The following CCDC117 variants were observed in gnomAD, a reference collection of about 807,000 sequenced individuals.
CCDC117 encodes coiled-coil domain-containing protein 117.
CCDC117 carries 1 observed loss-of-function variant against 23.5 expected under a neutral mutation model. The ratio of observed to expected loss-of-function variants is 0.04; its 90% CI spans 0.02 to 0.20. The LOEUF (loss-of-function observed/expected upper bound fraction) is 0.20. Among genes scored for constraint, CCDC117 ranks in the 10% least tolerant of loss-of-function variants. CCDC117 has a pLI of 1.00. For missense variants in CCDC117, 383 were observed against 348.2 expected, an observed-to-expected ratio of 1.10 and a Z score of -0.80; for synonymous variants, 132 against 124.8, an observed-to-expected ratio of 1.06 and a Z score of -0.39.
chr22:28,779,406 A>G (rs945842552), intron 2 of CCDC117, among the ~76,000 whole-genome samples: 1 of 151,048 alleles, frequency 6.6e-6, no homozygotes, highest in African/African-American at 2.4e-5. Flanking sequence ...GGGTTTCACC[A>G]TGTTGGCCAG....
rs2031025459 is a variant in CCDC117 at position 28,772,865 on chromosome 22, C to T, written c.16C>T (p.Arg6Trp). Residue 6 changes from arginine to tryptophan, a missense_variant, in exon 1 of 5, where the codon CGG becomes TGG. Physicochemically the swap from Arg to Trp is moderately radical, Grantham distance 101. Coordinates refer to ENST00000249064, the MANE Select transcript of CCDC117 (RefSeq NM_173510.4). MAALG[R>W]PFSGLPLSGG... ...CTCGCCGGCTATGGCTGCGCTCGGC[C>T]GGCCCTTCAGCGGCCTCCCTCTGAG... 8.1e-7 allele frequency: 1 copy of T among 1,233,822 alleles called. No homozygotes were observed. Among genetic ancestry groups the T allele is most frequent in the Non-Finnish European group, 1.0e-6 (1 of 988,144 alleles). 76.4% of individuals were successfully genotyped at this position (1,233,822 alleles called of 1,614,324 possible).
chr22:28,776,504 C>G (rs1189456366), intron 2 of CCDC117, among the ~76,000 whole-genome samples: 1 of 151,912 alleles, frequency 6.6e-6, no homozygotes, highest in African/African-American at 2.4e-5. Flanking sequence ...CTCACTGTCA[C>G]CTCTGTCTCA....
chr22:28,774,356 C>G (rs908718093), intron 2 of CCDC117, among the ~76,000 whole-genome samples: 1 of 151,046 alleles, frequency 6.6e-6, no homozygotes, highest in African/African-American at 2.4e-5. Context: ...CCTGAGCCGC[C>G]CCGGCCTGAA....
rs1486296691 is a variant in CCDC117 at position 28,773,765 on chromosome 22, G to C, written c.226G>C (p.Glu76Gln). The change falls in exon 2 of 5, where the codon GAG becomes CAG. Residue 76 changes from glutamate (E) to glutamine (Q), a missense_variant. Transcript: ENST00000249064. The stretch of plus-strand genomic sequence containing the variant: ...TAAAAAGAAACACAAGCGAGAGGAG[G>C]AGGAGGATGATGAGTAAGTTTCAGT... ...HCKKKHKREE[E>Q]EDDDCPVRKK... 6.2e-7 allele frequency: 1 copy of C among 1,613,784 alleles called. No individual in the cohort carries two copies. The highest frequency in any genetic ancestry group is 8.5e-7 in the Non-Finnish European group (1 of 1,179,756).
At chr22:28,773,806 CTG>C (rs769874172) in intron 2 of CCDC117, 28 bp downstream of exon 2, 7 of 1,580,222 alleles carry the variant, frequency 4.4e-6, no homozygotes, top group African/African-American at 1.3e-5. Context: ...TTTATTCACT[CTG>C]TGGTCACCGT....
At chr22:28,781,851 C>T (rs888393807) in intron 3 of CCDC117, among the ~76,000 whole-genome samples, 92 of 151,290 alleles carry the variant, frequency 6.1e-4, no homozygotes, top group African/African-American at 2.0e-3. Flanking sequence ...CCATTTTGGT[C>T]AGGCTGGTCT....
intron 4 of CCDC117, among the ~76,000 whole-genome samples, chr22:28,785,725 T>G (rs530458738): frequency 0.043 from 6,468 of 152,182 alleles, 196 homozygotes; most frequent in Non-Finnish European, 0.065. Context: ...AATATACATG[T>G]TGAAGTGTGC....
In CCDC117 at chr22:28,781,058, TTAG is replaced by T; in HGVS notation, c.352_354del (p.Ser118del). On this transcript the variant is annotated inframe_deletion, in exon 3 of 5. Coordinates refer to ENST00000249064, the MANE Select transcript of CCDC117 (RefSeq NM_173510.4). ...GAGGGGCATGGAGTAAATCCCAGTG[TTAG>T]TGGCCTTTCCATACCTGGGATATTA... 1.2e-6 allele frequency: 2 copies of T among 1,613,842 alleles called. No homozygotes were observed. The highest frequency in any genetic ancestry group is 4.5e-5 in the East Asian group (2 of 44,878).
Position 28,772,837 on chromosome 22 carries a change from C to G in CCDC117, c.-13C>G. Reference sequence around the variant, plus strand: ...GCCGAGGCCGCCGTCGCAGCCTCCTCGTCTCGCCGGCTATGGCTGCGCTCG... The same window carrying G: ...GCCGAGGCCGCCGTCGCAGCCTCCTGGTCTCGCCGGCTATGGCTGCGCTCG... On this transcript the variant is annotated 5_prime_UTR_variant, in exon 1 of 5. Coordinates refer to ENST00000249064, the MANE Select transcript of CCDC117 (RefSeq NM_173510.4). 1.6e-6 allele frequency: 2 copies of G among 1,226,064 alleles called. No individual in the cohort carries two copies. The highest frequency in any genetic ancestry group is 1.0e-6 in the Non-Finnish European group (1 of 983,888). 75.9% of individuals were successfully genotyped at this position (1,226,064 alleles called of 1,614,324 possible). A position where few individuals can be genotyped will look rare whatever the true frequency, so the allele number is the denominator to read the frequency against.
chr22:28,788,974 T>TG lies in CCDC117; in HGVS notation c.*2648_*2649insG, dbSNP rs1601432552. 1.1e-5 allele frequency: 1 copy of TG among 94,444 alleles called. No individual in the cohort carries two copies. The allele number at this position is 94,444 out of a possible 1,614,324, so 5.9% of individuals were successfully genotyped here. A position where few individuals can be genotyped will look rare whatever the true frequency, so the allele number is the denominator to read the frequency against. On this transcript the variant is annotated 3_prime_UTR_variant, in exon 5 of 5. Transcript: ENST00000249064. Reference sequence around the variant, plus strand: ...TGCGTTGTGGATTTTGTTTTTTGGGTTTTTTTTTTTTTTTTGTAATTATAT... The same window carrying TG: ...TGCGTTGTGGATTTTGTTTTTTGGGTGTTTTTTTTTTTTTTTGTAATTATAT...
intron 2 of CCDC117, among the ~76,000 whole-genome samples, chr22:28,777,095 C>T (rs1357304903): frequency 9.2e-5 from 13 of 140,856 alleles, no homozygotes; most frequent in Admixed American, 9.0e-4. Context: ...AGTGCAGTGG[C>T]GCAATCTCGG....
intron 4 of CCDC117, among the ~76,000 whole-genome samples, chr22:28,785,332 T>G (rs960557788): frequency 6.6e-6 from 1 of 151,962 alleles, no homozygotes; most frequent in African/African-American, 2.4e-5. Context: ...GGGACTACAG[T>G]CACCTGCTAC....
rs550299055 is a variant in CCDC117, at chr22:28,775,117, C to T, written c.239+1339C>T. 3.2e-4 allele frequency among the ~76,000 whole-genome samples: 48 copies of T among 152,160 alleles called. 1 individual carries two copies. Among genetic ancestry groups the T allele is most frequent in the East Asian group, 2.9e-3 (15 of 5,180 alleles). On this transcript the variant is annotated intron_variant, in intron 2 of 4. Transcript: ENST00000249064. ...TCTCTATTAAAATACAAAAATTAGCCATGGGTAGTGGTGCGTAACTGTAAT... is the reference window on the plus strand; with the variant it reads ...TCTCTATTAAAATACAAAAATTAGCTATGGGTAGTGGTGCGTAACTGTAAT...
Position 28,786,080 on chromosome 22 carries a change from A to C in CCDC117, c.603-9A>C. On this transcript the variant is annotated splice_polypyrimidine_tract_variant and intron_variant, in intron 4 of 4. Coordinates refer to ENST00000249064, the MANE Select transcript of CCDC117 (RefSeq NM_173510.4). ...ATTTTTTGATAAAAGTCTGTATTTT[A>C]TGTCTTAGGAGCCGTCCTTCCATGG... 6.3e-7 allele frequency: 1 copy of C among 1,577,020 alleles called. No individual in the cohort carries two copies. Among genetic ancestry groups the C allele is most frequent in the South Asian group, 1.2e-5 (1 of 85,322 alleles).
At chr22:28,783,698 A>C in intron 4 of CCDC117, 53 bp downstream of exon 4, 1 of 1,553,410 alleles carries the variant, frequency 6.4e-7, no homozygotes, top group East Asian at 2.2e-5. Context: ...GGGAAGACCC[A>C]ATGTCTAGAT....
intron 3 of CCDC117, among the ~76,000 whole-genome samples, 175 bp downstream of exon 3, chr22:28,781,347 T>TG (rs2031323895): frequency 2.3e-4 from 2 of 8,726 alleles, no homozygotes; most frequent in South Asian, 8.2e-3. Context: ...TTTTTTTTTT[T>TG]TTTTTTTTTT....
chr22:28,788,814 G>C lies in CCDC117; in HGVS notation c.*2488G>C, dbSNP rs1002819216. ...TAAGAGTTCCCTAGGGAGTTACCAG[G>C]GCTTTTCGTTTTGTGTAGCTTTTGC... On this transcript the variant is annotated 3_prime_UTR_variant, in exon 5 of 5. Transcript: ENST00000249064. 2.0e-5 allele frequency: 3 copies of C among 152,458 alleles called. No homozygotes were observed. Among genetic ancestry groups the C allele is most frequent in the Non-Finnish European group, 4.4e-5 (3 of 68,022 alleles). The allele number at this position is 152,458 out of a possible 1,614,324, so 9.4% of individuals were successfully genotyped here.
At position 28,772,745 on chromosome 22, in the gene CCDC117, G is replaced by C. The variant is rs745618079; in HGVS notation, c.-105G>C. The stretch of plus-strand genomic sequence containing the variant: ...GAAGGCGTGACGTGGGGTCGAGAGC[G>C]GGATCCGAGGCTGGCGGGTTTTGGC... On this transcript the variant is annotated 5_prime_UTR_variant, in exon 1 of 5. Transcript: ENST00000249064. 3.3e-6 allele frequency: 3 copies of C among 909,832 alleles called. No homozygotes were observed. The highest frequency in any genetic ancestry group is 4.3e-6 in the Non-Finnish European group (3 of 703,118). The allele number at this position is 909,832 out of a possible 1,614,324, so 56.4% of individuals were successfully genotyped here. A position where few individuals can be genotyped will look rare whatever the true frequency, so the allele number is the denominator to read the frequency against.
chr22:28,777,483 T>A (rs1465202634), intron 2 of CCDC117, among the ~76,000 whole-genome samples: 1 of 152,064 alleles, frequency 6.6e-6, no homozygotes, highest in Admixed American at 6.6e-5. Flanking sequence ...TTGTTAATTA[T>A]AAGTGATACT....
Sources: gnomAD v4.1 joint callset for allele counts (sites outside exome capture counted in the v4.1 genomes callset) on GRCh38, gnomAD v4.1.1 for gene constraint, MANE v1.5 for transcripts, NCBI Gene and HGNC (gene_info 2026-07-23, HGNC 2026-07-21) for gene names.